Variants in CASTOR2 observed in about 807,000 individuals in gnomAD.
CASTOR2 encodes GATS protein like 2.
A neutral mutation model predicts 31.2 loss-of-function variants in CASTOR2; 8 were observed. The observed-to-expected ratio is 0.26, with a 90% CI of 0.15 to 0.46. The LOEUF (loss-of-function observed/expected upper bound fraction) is 0.46. CASTOR2 is among the 20% of genes least tolerant of loss of function. CASTOR2 has a pLI of 0.99. For missense variants in CASTOR2, 216 were observed against 382.1 expected (o/e 0.57, Z 3.62); for synonymous variants, 162 against 158.7 (o/e 1.02, Z -0.16).
rs1408118390 is a variant in CASTOR2, at chr7:75,017,752, C to T, written c.339C>T (p.Ser113=). 16 of 1,614,024 alleles carry T rather than the reference C, an allele frequency of 9.9e-6. No homozygotes were observed. The highest frequency in any genetic ancestry group is 1.7e-5 in the Admixed American group (1 of 60,014). The change falls in exon 3 of 9, where the codon TCC becomes TCT. Residue 113 remains serine, a synonymous_variant. Coordinates refer to ENST00000616305, the MANE Select transcript of CASTOR2 (RefSeq NM_001145064.3). ...CCCCACTGGCTGACCAGAACATATC[C>T]GTGTTCATGCTGTCCACGTATCAGA... is the stretch of plus-strand genomic sequence containing the variant. ...VIAPLADQNI[S]VFMLSTYQTD...
rs1178084776 is a variant in CASTOR2, at chr7:75,026,188, G to GTTTTTTTTTTTTTTTTTTTTTTT, written c.*1489_*1490insTTTTTTTTTTTTTTTTTTTTTTT. 1.0e-3 allele frequency among the ~76,000 whole-genome samples: 115 copies of GTTTTTTTTTTTTTTTTTTTTTTT among 113,258 alleles called. 1 individual carries two copies. Among genetic ancestry groups the GTTTTTTTTTTTTTTTTTTTTTTT allele is most frequent in the Non-Finnish European group, 1.5e-3 (76 of 51,494 alleles). The allele number at this position is 113,258 out of a possible 152,430, so 74.3% of individuals were successfully genotyped here. On this transcript the variant is annotated 3_prime_UTR_variant, in exon 9 of 9. Coordinates refer to ENST00000616305, the MANE Select transcript of CASTOR2 (RefSeq NM_001145064.3). The stretch of plus-strand genomic sequence containing the variant: ...CCCCTGTGGTTTTGGCTCTGGCGGG[G>GTTTTTTTTTTTTTTTTTTTTTTT]GTTTTTTTTTTTTTTTTTGAGATGG...
At chr7:75,018,145 T>C in intron 4 of CASTOR2, 23 bp downstream of exon 4, 1 of 1,612,204 alleles carries the variant, frequency 6.2e-7, no homozygotes, top group South Asian at 1.1e-5. Flanking sequence ...CGGGGGTTTG[T>C]GCAGGGGAAA....
At chr7:74,983,915 G>C (rs1804004163) in intron 1 of CASTOR2, among the ~76,000 whole-genome samples, 1 of 151,308 alleles carries the variant, frequency 6.6e-6, no homozygotes, top group Non-Finnish European at 1.5e-5. Flanking sequence ...TGAATAGCTG[G>C]GGCCGCAGGT....
intron 1 of CASTOR2, among the ~76,000 whole-genome samples, chr7:74,999,211 C>T (rs1274726258): frequency 1.3e-5 from 2 of 151,722 alleles, no homozygotes; most frequent in South Asian, 2.1e-4. Context: ...AGGGTTTAAC[C>T]GTGTTAGCCA....
chr7:74,967,360 C>T (rs1487145523), intron 1 of CASTOR2, among the ~76,000 whole-genome samples: 3 of 137,918 alleles, frequency 2.2e-5, no homozygotes, highest in Non-Finnish European at 3.2e-5. Flanking sequence ...CGCAGCCTGC[C>T]GACATAGCAT....
At chr7:75,001,281 T>TTACA (rs1365327472) in intron 1 of CASTOR2, among the ~76,000 whole-genome samples, 3 of 152,206 alleles carry the variant, frequency 2.0e-5, no homozygotes, top group African/African-American at 7.2e-5. Flanking sequence ...TCTTACCATG[T>TTACA]TGCCCAGGCT....
At chr7:75,015,727 T>C (rs1804848118) in intron 2 of CASTOR2, among the ~76,000 whole-genome samples, 1 of 142,902 alleles carries the variant, frequency 7.0e-6, no homozygotes, top group East Asian at 2.1e-4. Context: ...TCACTGAGCC[T>C]TCCAGGTCCA....
intron 1 of CASTOR2, among the ~76,000 whole-genome samples, chr7:74,977,148 C>T (rs1554435814): frequency 1.5e-5 from 2 of 135,634 alleles, no homozygotes; most frequent in African/African-American, 5.6e-5. Context: ...CGTGCCACTA[C>T]ACTCCAGCCT....
intron 7 of CASTOR2, 118 bp downstream of exon 7, chr7:75,022,074 C>A: frequency 3.3e-6 from 4 of 1,212,752 alleles, no homozygotes; most frequent in Non-Finnish European, 3.6e-6. Context: ...GAGACTGAGG[C>A]TTGGGGAGCC....
chr7:74,974,953 AGTTTT>A (rs1385551044), intron 1 of CASTOR2, among the ~76,000 whole-genome samples: 5 of 147,578 alleles, frequency 3.4e-5, no homozygotes, highest in South Asian at 2.2e-4. Flanking sequence ...TAACCATGGT[AGTTTT>A]GTTTTGTTTT....
intron 1 of CASTOR2, among the ~76,000 whole-genome samples, chr7:74,996,715 CTTTT>C (rs1179122101): frequency 1.7e-4 from 7 of 40,764 alleles, no homozygotes; most frequent in African/African-American, 6.9e-4. Context: ...ATGCCTGGTG[CTTTT>C]TTTTTTTTTT....
chr7:74,997,086 T>C (rs1390441660), intron 1 of CASTOR2, among the ~76,000 whole-genome samples: 1 of 151,994 alleles, frequency 6.6e-6, no homozygotes, highest in Non-Finnish European at 1.5e-5. Context: ...GGTCTTACAC[T>C]GTCACCTAGG....
Position 75,027,941 on chromosome 7 carries a change from C to T in CASTOR2, c.*3242C>T, listed in dbSNP as rs1280983609. 22 of 1,385,932 alleles carry T rather than the reference C, an allele frequency of 1.6e-5. No individual in the cohort carries two copies. The South Asian group carries it at 1.6e-4, about 10-fold the overall frequency. The allele number at this position is 1,385,932 out of a possible 1,614,324, so 85.9% of individuals were successfully genotyped here. On this transcript the variant is annotated 3_prime_UTR_variant, in exon 9 of 9. Coordinates refer to ENST00000616305, the MANE Select transcript of CASTOR2 (RefSeq NM_001145064.3). ...GGGAGGGTCTCTCCAGGCCCCAGAC[C>T]CCACTTGGAGGGGCATGTGTTTCTC...
chr7:75,013,202 G>A (rs1278264186), intron 2 of CASTOR2, among the ~76,000 whole-genome samples: 1 of 152,214 alleles, frequency 6.6e-6, no homozygotes, highest in Non-Finnish European at 1.5e-5. Flanking sequence ...CTTAACATGA[G>A]CCAGGGTGTG....
intron 1 of CASTOR2, among the ~76,000 whole-genome samples, chr7:74,967,648 T>C (rs1160378680): frequency 2.5e-5 from 2 of 79,410 alleles, no homozygotes; most frequent in East Asian, 7.8e-4. Flanking sequence ...GTTCAAGTGA[T>C]TCTCCTGCCT....
chr7:75,019,265 A>G (rs1804936877), intron 5 of CASTOR2, among the ~76,000 whole-genome samples, 170 bp downstream of exon 5: 3 of 152,008 alleles, frequency 2.0e-5, no homozygotes, highest in South Asian at 4.2e-4. Flanking sequence ...CCACCCTGGA[A>G]CTAGTCTGAG....
chr7:74,977,710 T>C (rs1803853405), intron 1 of CASTOR2, among the ~76,000 whole-genome samples: 1 of 150,848 alleles, frequency 6.6e-6, no homozygotes, highest in Admixed American at 6.7e-5. Flanking sequence ...AGGATCTCAC[T>C]GTGTCACCCA....
At chr7:74,979,317 A>C (rs1209389340) in intron 1 of CASTOR2, among the ~76,000 whole-genome samples, 1 of 146,744 alleles carries the variant, frequency 6.8e-6, no homozygotes, top group Non-Finnish European at 1.5e-5. Context: ...ATTGTACCCG[A>C]TAAGTAATTT....
intron 1 of CASTOR2, among the ~76,000 whole-genome samples, chr7:74,994,400 C>T (rs1444117841): frequency 1.3e-5 from 2 of 152,212 alleles, no homozygotes. Flanking sequence ...CTCTAAGCCT[C>T]AGTTTCCTCA....
Sources: gnomAD v4.1 joint callset for allele counts (sites outside exome capture counted in the v4.1 genomes callset) on GRCh38, gnomAD v4.1.1 for gene constraint, MANE v1.5 for transcripts, NCBI Gene and HGNC (gene_info 2026-07-23, HGNC 2026-07-21) for gene names.